ZNF114: variants seen among roughly 807,000 people sequenced by gnomAD.
The protein encoded by ZNF114 is zinc finger protein 114 (Y18).
ZNF114 carries 8 observed loss-of-function variants against 6.8 expected under a neutral mutation model. The observed-to-expected ratio is 1.18, with a 90% confidence interval of 0.69 to 2.13. The LOEUF is 2.13. ZNF114 is among the 30% of genes most tolerant of loss of function. The probability of loss-of-function intolerance (pLI) is 0.00; values close to 1 mark genes in which losing one functional copy is unlikely to be tolerated. For missense variants in ZNF114, 472 were observed against 519.5 expected (o/e 0.91, Z 0.89); for synonymous variants, 169 against 185.5 (o/e 0.91, Z 0.72).
chr19:48,282,249 A>T, intron 4 of ZNF114, 122 bp from the exon 5 acceptor site: 1 of 1,335,950 alleles, frequency 7.5e-7, no homozygotes, highest in Non-Finnish European at 1.0e-6. Flanking sequence ...TTCACAAATC[A>T]GGTCACCTTT....
At chr19:48,273,788 C>T (rs570425611) in intron 3 of ZNF114, among the ~76,000 whole-genome samples, 27 of 141,478 alleles carry the variant, frequency 1.9e-4, no homozygotes, top group African/African-American at 7.0e-4. Context: ...GACGGAGTCT[C>T]GCTCTGTCGC....
intron 3 of ZNF114, among the ~76,000 whole-genome samples, chr19:48,278,290 T>C (rs768001025): frequency 7.9e-5 from 12 of 152,182 alleles, no homozygotes; most frequent in Non-Finnish European, 1.6e-4. Flanking sequence ...TTCACAGACG[T>C]GTACGTCCCT....
At chr19:48,270,654 GAAA>G (rs910249800) in intron 1 of ZNF114, among the ~76,000 whole-genome samples, 6 of 112,944 alleles carry the variant, frequency 5.3e-5, no homozygotes, top group Non-Finnish European at 7.3e-5. Context: ...GAGAGAGAAA[GAAA>G]AAGAAGAAAG....
chr19:48,270,660 GAAGA>G (rs150621468), intron 1 of ZNF114, among the ~76,000 whole-genome samples: 27,138 of 125,066 alleles, frequency 0.22, 2,586 homozygotes, highest in South Asian at 0.25. Context: ...GAAAGAAAAA[GAAGA>G]AAGAAAGAGA....
chr19:48,285,684 G>C, intron 5 of ZNF114, 77 bp from the exon 6 acceptor site: 38 of 1,456,016 alleles, frequency 2.6e-5, no homozygotes, highest in Non-Finnish European at 3.5e-5. Context: ...AATCCACACG[G>C]AGATTGCCTA....
chr19:48,284,834 C>T (rs191776667), intron 5 of ZNF114, among the ~76,000 whole-genome samples: 6 of 152,126 alleles, frequency 3.9e-5, no homozygotes, highest in South Asian at 2.1e-4. Context: ...GCCAGCTACT[C>T]GGGAGACTGA....
At chr19:48,274,361 A>T (rs943736687) in intron 3 of ZNF114, among the ~76,000 whole-genome samples, 1 of 151,602 alleles carries the variant, frequency 6.6e-6, no homozygotes, top group African/African-American at 2.4e-5. Context: ...TTTTATGAAC[A>T]AATGACTCAT....
At chr19:48,274,501 TA>T (rs1322925401) in intron 3 of ZNF114, among the ~76,000 whole-genome samples, 4 of 12,234 alleles carry the variant, frequency 3.3e-4, no homozygotes, top group East Asian at 5.7e-3. Flanking sequence ...TATATATATA[TA>T]TATATTTTTT....
At chr19:48,281,852 G>A (rs796099716) in intron 4 of ZNF114, among the ~76,000 whole-genome samples, 133 of 145,914 alleles carry the variant, frequency 9.1e-4, no homozygotes, top group African/African-American at 3.2e-3. Context: ...AAGGACACCA[G>A]TCACTGGATT....
At chr19:48,283,728 G>A (rs1483672732) in intron 5 of ZNF114, among the ~76,000 whole-genome samples, 4 of 143,062 alleles carry the variant, frequency 2.8e-5, no homozygotes, top group Non-Finnish European at 6.3e-5. Flanking sequence ...GGGTTCTGGG[G>A]TTTTTGTTTT....
intron 3 of ZNF114, among the ~76,000 whole-genome samples, chr19:48,277,490 T>C (rs1000291817): frequency 6.6e-6 from 1 of 152,258 alleles, no homozygotes; most frequent in Non-Finnish European, 1.5e-5. Context: ...CTTGTGTTTT[T>C]TTCCCCCTCT....
At chr19:48,275,934 A>G (rs1002984720) in intron 3 of ZNF114, among the ~76,000 whole-genome samples, 1 of 147,620 alleles carries the variant, frequency 6.8e-6, no homozygotes, top group African/African-American at 2.5e-5. Context: ...GTGAGCTGAG[A>G]TCGCACCACT....
At chr19:48,279,903 G>C in intron 4 of ZNF114, 95 bp downstream of exon 4, 2 of 1,589,374 alleles carry the variant, frequency 1.3e-6, no homozygotes, top group South Asian at 2.2e-5. Flanking sequence ...AAAGCACATG[G>C]AGCCAGGCAG....
At chr19:48,285,620 A>G (rs1968098943) in intron 5 of ZNF114, 141 bp from the exon 6 acceptor site, 3 of 922,470 alleles carry the variant, frequency 3.3e-6, no homozygotes, top group East Asian at 2.8e-5. Context: ...AGGAAGAAAG[A>G]AAGGATGGAA....
intron 3 of ZNF114, among the ~76,000 whole-genome samples, chr19:48,277,616 A>T (rs1967868888): frequency 6.6e-6 from 1 of 152,186 alleles, no homozygotes; most frequent in Non-Finnish European, 1.5e-5. Flanking sequence ...AGACGTTTCC[A>T]GCCGCTGTGC....
chr19:48,283,882 C>T (rs1051774841), intron 5 of ZNF114, among the ~76,000 whole-genome samples: 2 of 152,064 alleles, frequency 1.3e-5, no homozygotes, highest in Non-Finnish European at 2.9e-5. Flanking sequence ...TATAGACATG[C>T]ACCACCATAC....
At chr19:48,284,075 C>T (rs915757239) in intron 5 of ZNF114, among the ~76,000 whole-genome samples, 2 of 151,972 alleles carry the variant, frequency 1.3e-5, no homozygotes, top group African/African-American at 2.4e-5. Context: ...GAATTGGAGA[C>T]GTTGATTGGT....
intron 3 of ZNF114, among the ~76,000 whole-genome samples, chr19:48,273,505 A>T (rs564339882): frequency 6.7e-6 from 1 of 148,694 alleles, no homozygotes; most frequent in African/African-American, 2.5e-5. Context: ...CTCCAATTGT[A>T]TTGGGGAAAG....
intron 3 of ZNF114, among the ~76,000 whole-genome samples, chr19:48,274,192 T>A (rs990655245): frequency 1.3e-5 from 2 of 151,568 alleles, no homozygotes; most frequent in Admixed American, 6.6e-5. Flanking sequence ...TATGATTAAT[T>A]TAATTTTTAA....
Sources: gnomAD v4.1 joint callset for allele counts (sites outside exome capture counted in the v4.1 genomes callset) on GRCh38, gnomAD v4.1.1 for gene constraint, MANE v1.5 for transcripts, NCBI Gene and HGNC (gene_info 2026-07-23, HGNC 2026-07-21) for gene names.